The following BBS9 variants were observed in gnomAD, a reference collection of about 807,000 sequenced individuals.
The protein encoded by BBS9 is Bardet-Biedl syndrome 9.
In BBS9, 89 loss-of-function variants were observed where a neutral mutation model predicts 117.7. That is an observed-to-expected ratio of 0.76 (90% CI 0.64 to 0.90). The LOEUF (loss-of-function observed/expected upper bound fraction) is 0.90. BBS9 is among the 40% of genes least tolerant of loss of function. The pLI is 0.00. For synonymous variants in BBS9, 379 were observed against 370.9 expected, an observed-to-expected ratio of 1.02 and a Z score of -0.25; for missense variants, 982 against 1,042.2, an observed-to-expected ratio of 0.94 and a Z score of 0.80.
At chr7:33,373,696 ACT>A (rs973715476) in intron 17 of BBS9, among the ~76,000 whole-genome samples, 5 of 152,204 alleles carry the variant, frequency 3.3e-5, no homozygotes, top group African/African-American at 1.2e-4. Context: ...GGAAAAGGTA[ACT>A]AATACATCGG....
chr7:33,608,746 T>C (rs1381874345), downstream of BBS9, among the ~76,000 whole-genome samples: 1 of 152,160 alleles, frequency 6.6e-6, no homozygotes, highest in African/African-American at 2.4e-5. Flanking sequence ...TCCTTATAGA[T>C]TGTGGATATT....
chr7:33,381,603 A>G (rs749388000), intron 17 of BBS9, among the ~76,000 whole-genome samples: 2 of 152,176 alleles, frequency 1.3e-5, no homozygotes, highest in African/African-American at 4.8e-5. Context: ...TCTCTAAAAC[A>G]TTAAAACTTC....
At chr7:33,352,657 G>T (rs1029759211) in intron 14 of BBS9, among the ~76,000 whole-genome samples, 8 of 152,000 alleles carry the variant, frequency 5.3e-5, no homozygotes, top group African/African-American at 1.9e-4. Context: ...TAAATGTATT[G>T]TTGGGTTTCA....
chr7:33,395,789 T>C (rs958860400), intron 19 of BBS9, among the ~76,000 whole-genome samples: 4 of 152,158 alleles, frequency 2.6e-5, no homozygotes, highest in African/African-American at 7.2e-5. Flanking sequence ...TTTTGGTCCA[T>C]GGGTTTTTAA....
intron 7 of BBS9, among the ~76,000 whole-genome samples, chr7:33,269,259 A>T (rs1371327627): frequency 6.6e-6 from 1 of 152,074 alleles, no homozygotes; most frequent in Non-Finnish European, 1.5e-5. Context: ...CTTTTCTTGG[A>T]TCCATTGTTT....
downstream of BBS9, among the ~76,000 whole-genome samples, chr7:33,608,806 G>A (rs1864718958): frequency 6.6e-6 from 1 of 152,014 alleles, no homozygotes; most frequent in African/African-American, 2.4e-5. Flanking sequence ...TATTCAATGG[G>A]TTGTCTTTTT....
chr7:33,226,338 T>G (rs545743277), intron 5 of BBS9, among the ~76,000 whole-genome samples: 99 of 152,324 alleles, frequency 6.5e-4, no homozygotes, highest in African/African-American at 2.3e-3. Flanking sequence ...TACACAGGTC[T>G]ACTTTTGTTA....
intron 21 of BBS9, among the ~76,000 whole-genome samples, chr7:33,582,065 A>G (rs1345064847): frequency 2.6e-5 from 4 of 151,906 alleles, no homozygotes; most frequent in Non-Finnish European, 5.9e-5. Context: ...CTTGATGTAA[A>G]ATCATGACTT....
intron 5 of BBS9, among the ~76,000 whole-genome samples, chr7:33,232,491 A>G (rs1341932184): frequency 6.6e-6 from 1 of 152,108 alleles, no homozygotes. Flanking sequence ...CTGGGTTAAA[A>G]TGGTAAACTG....
chr7:33,171,326 CA>C (rs1796537756), intron 4 of BBS9, among the ~76,000 whole-genome samples: 1 of 151,984 alleles, frequency 6.6e-6, no homozygotes, highest in Non-Finnish European at 1.5e-5. Flanking sequence ...TGATCTTTGA[CA>C]AACCTGAGAA....
chr7:33,430,381 G>A (rs1228432838), intron 19 of BBS9, among the ~76,000 whole-genome samples: 3 of 152,128 alleles, frequency 2.0e-5, no homozygotes, highest in Admixed American at 2.0e-4. Flanking sequence ...GTTCTCACTA[G>A]ATATAAATTC....
chr7:33,304,752 G>A (rs1361839696), intron 9 of BBS9, among the ~76,000 whole-genome samples: 1 of 152,108 alleles, frequency 6.6e-6, no homozygotes, highest in Non-Finnish European at 1.5e-5. Context: ...TGTGTAGAAA[G>A]AAGTAGACAT....
intron 19 of BBS9, among the ~76,000 whole-genome samples, chr7:33,404,618 A>T (rs111892914): frequency 2.0e-5 from 3 of 150,026 alleles, no homozygotes; most frequent in Non-Finnish European, 4.5e-5. Context: ...TGTGAATGTG[A>T]GTTCACTCAT....
At chr7:33,511,619 C>T (rs1022484704) in intron 20 of BBS9, among the ~76,000 whole-genome samples, 1 of 152,006 alleles carries the variant, frequency 6.6e-6, no homozygotes, top group Non-Finnish European at 1.5e-5. Context: ...CTTAAAAATC[C>T]CCTGGGAAAG....
intron 4 of BBS9, among the ~76,000 whole-genome samples, chr7:33,161,170 T>G (rs1402319637): frequency 6.6e-6 from 1 of 152,166 alleles, no homozygotes; most frequent in Non-Finnish European, 1.5e-5. Context: ...ATGTACAACG[T>G]GCAGGTTTGT....
chr7:33,265,895 G>A (rs1055096635), intron 7 of BBS9, among the ~76,000 whole-genome samples: 14 of 151,744 alleles, frequency 9.2e-5, no homozygotes, highest in Non-Finnish European at 1.9e-4. Flanking sequence ...ATAAATATAT[G>A]TATTGTATAT....
At chr7:33,210,611 C>T (rs1787823029) in intron 5 of BBS9, among the ~76,000 whole-genome samples, 1 of 152,148 alleles carries the variant, frequency 6.6e-6, no homozygotes, top group Non-Finnish European at 1.5e-5. Flanking sequence ...AGTCTTGGCT[C>T]ACTGCAACCT....
At chr7:33,202,884 C>G (rs1410333854) in intron 5 of BBS9, among the ~76,000 whole-genome samples, 2 of 152,220 alleles carry the variant, frequency 1.3e-5, no homozygotes, top group African/African-American at 4.8e-5. Flanking sequence ...GAGAAAGAAT[C>G]AGCATCTGAG....
rs117567503 is a variant in BBS9, at chr7:33,403,067, C to G, written c.2115+14923C>G. Among the ~76,000 whole-genome samples the G allele has an allele frequency of 7.6e-3, 1,147 of 151,838 alleles. 7 individuals carry two copies. The highest frequency in any genetic ancestry group is 0.012 in the Non-Finnish European group (845 of 67,972). ...ATAGTATTCCATGGTGTTTATATAC[C>G]ATAATTCCTTTAAAATTTTTTAAAA... On this transcript the variant is annotated intron_variant, in intron 19 of 22. Transcript: ENST00000242067.
Sources: allele counts gnomAD v4.1 joint callset (sites outside exome capture counted in the v4.1 genomes callset), GRCh38; gene constraint gnomAD v4.1.1; transcripts MANE v1.5; gene names NCBI Gene and HGNC (gene_info 2026-07-23, HGNC 2026-07-21).